ZMYND8: variants seen among roughly 807,000 people sequenced by gnomAD.
The protein encoded by ZMYND8 is zinc finger MYND-type containing 8.
Under a neutral mutation model 140.8 loss-of-function variants are expected in ZMYND8, and 37 were observed. That is an observed-to-expected ratio of 0.26 (90% CI 0.20 to 0.35). The LOEUF (loss-of-function observed/expected upper bound fraction) is 0.35, where lower values mean the gene tolerates loss of function less well. ZMYND8 is among the 10% of genes least tolerant of loss of function. The pLI is 1.00. For missense variants in ZMYND8, 1,068 were observed against 1,570.0 expected, an observed-to-expected ratio of 0.68 and a Z score of 5.40; for synonymous variants, 592 against 597.1, an observed-to-expected ratio of 0.99 and a Z score of 0.12.
intron 3 of ZMYND8, among the ~76,000 whole-genome samples, chr20:47,304,931 A>G (rs1293030295): frequency 1.3e-5 from 2 of 152,148 alleles, no homozygotes; most frequent in Admixed American, 1.3e-4. Flanking sequence ...CTGTTAATAC[A>G]CTGTCTCAGC....
intron 2 of ZMYND8, among the ~76,000 whole-genome samples, chr20:47,335,265 A>G (rs145494988): frequency 3.5e-4 from 54 of 152,178 alleles, no homozygotes; most frequent in African/African-American, 1.2e-3. Context: ...AACAAAAAAA[A>G]AGGAGAATTG....
intron 2 of ZMYND8, among the ~76,000 whole-genome samples, chr20:47,337,959 T>A (rs1468330504): frequency 1.3e-5 from 2 of 151,958 alleles, no homozygotes; most frequent in Admixed American, 6.6e-5. Context: ...AAAGGTCACA[T>A]GGACTAGATG....
At chr20:47,262,569 G>C in intron 11 of ZMYND8, 141 bp from the exon 12 acceptor site, 1 of 1,186,434 alleles carries the variant, frequency 8.4e-7, no homozygotes, top group South Asian at 1.5e-5. Context: ...GAATGGGGTG[G>C]GGTGGAGCAT....
At chr20:47,299,645 C>G (rs1336593279) in intron 3 of ZMYND8, among the ~76,000 whole-genome samples, 3 of 151,988 alleles carry the variant, frequency 2.0e-5, no homozygotes, top group African/African-American at 7.3e-5. Flanking sequence ...TGCAGTGGCA[C>G]AATCTTGGCT....
rs553430443 is a variant in ZMYND8, at chr20:47,289,631, C to CA, written c.748+555dup. On this transcript the variant is annotated intron_variant, in intron 7 of 22. Transcript: ENST00000471951. Reference sequence around the variant, plus strand: ...TCGAATGAAAAAAAAAAATCAGCAACAAAAAAAAAGGAACCACTAATAACA... The same window carrying CA: ...TCGAATGAAAAAAAAAAATCAGCAACAAAAAAAAAAGGAACCACTAATAACA... 6.4e-3 allele frequency among the ~76,000 whole-genome samples: 952 copies of CA among 147,880 alleles called. 16 individuals carry two copies. The highest frequency in any genetic ancestry group is 0.022 in the African/African-American group (902 of 40,138).
At chr20:47,240,092 A>T (rs1437386314) in intron 14 of ZMYND8, among the ~76,000 whole-genome samples, 1 of 151,654 alleles carries the variant, frequency 6.6e-6, no homozygotes, top group Non-Finnish European at 1.5e-5. Context: ...CAAAAAAATT[A>T]GCCAGACGTG....
At chr20:47,264,013 G>A (rs991187718) in intron 11 of ZMYND8, among the ~76,000 whole-genome samples, 2 of 152,118 alleles carry the variant, frequency 1.3e-5, no homozygotes, top group African/African-American at 4.8e-5. Context: ...GGTTGCTACT[G>A]GCATCTAGGA....
intron 20 of ZMYND8, among the ~76,000 whole-genome samples, 160 bp from the exon 21 acceptor site, chr20:47,220,484 C>T (rs752563430): frequency 7.2e-5 from 11 of 152,326 alleles, no homozygotes; most frequent in Non-Finnish European, 1.5e-4. Flanking sequence ...CACAGGGCGG[C>T]CAGGTGGCCA....
At chr20:47,274,851 C>T (rs775310329) in intron 11 of ZMYND8, among the ~76,000 whole-genome samples, 16 of 152,148 alleles carry the variant, frequency 1.1e-4, no homozygotes, top group Admixed American at 7.2e-4. Context: ...AAAAAATTTC[C>T]CAAGAAACAA....
chr20:47,279,150 G>A (rs543657543), intron 10 of ZMYND8, among the ~76,000 whole-genome samples: 53 of 152,134 alleles, frequency 3.5e-4, no homozygotes, highest in African/African-American at 1.2e-3. Flanking sequence ...TGCTTGGCAG[G>A]GAAGGAAAAG....
chr20:47,215,023 C>T (rs1310907326), intron 21 of ZMYND8, among the ~76,000 whole-genome samples: 2 of 152,096 alleles, frequency 1.3e-5, no homozygotes, highest in African/African-American at 2.4e-5. Flanking sequence ...AAGTTCAAGG[C>T]CAGCCTCGGC....
At chr20:47,248,733 G>A (rs1334300532) in intron 13 of ZMYND8, among the ~76,000 whole-genome samples, 1 of 152,140 alleles carries the variant, frequency 6.6e-6, no homozygotes, top group Non-Finnish European at 1.5e-5. Flanking sequence ...AAGGAGGAGG[G>A]CAGATGGGGA....
chr20:47,255,714 GTA>G (rs1472702070), intron 12 of ZMYND8, among the ~76,000 whole-genome samples: 53 of 62,966 alleles, frequency 8.4e-4, no homozygotes, highest in African/African-American at 3.7e-3. Flanking sequence ...TATATACCGT[GTA>G]TGTGTGTATA....
chr20:47,233,154 G>A (rs985795380), intron 16 of ZMYND8, among the ~76,000 whole-genome samples: 3 of 149,312 alleles, frequency 2.0e-5, no homozygotes, highest in South Asian at 4.2e-4. Context: ...CAATCCACCC[G>A]CCTGGGCCTC....
Position 47,238,507 on chromosome 20 carries a change from C to T in ZMYND8, c.2665+251G>A, listed in dbSNP as rs756943362. On this transcript the variant is annotated intron_variant, in intron 15 of 22. Coordinates refer to ENST00000471951, the MANE Select transcript of ZMYND8 (RefSeq NM_001281775.3). ...CAGACTTTTATGTAAAACTTTCTGC[C>T]CCCTTTTTAAGGAGAATATATGCAT... 3 of 609,062 alleles carry T rather than the reference C, an allele frequency of 4.9e-6. No homozygotes were observed. The South Asian group carries it at 6.0e-5, about 12-fold the overall frequency. The allele number at this position is 609,062 out of a possible 1,614,324, so 37.7% of individuals were successfully genotyped here.
chr20:47,284,591 C>T (rs1249018055), intron 8 of ZMYND8, among the ~76,000 whole-genome samples: 1 of 152,134 alleles, frequency 6.6e-6, no homozygotes, highest in East Asian at 1.9e-4. Flanking sequence ...AGCAGTTCCG[C>T]TCCCCAACCC....
At chr20:47,349,756 C>T (rs1429655057) in intron 1 of ZMYND8, 2 of 1,448,484 alleles carry the variant, frequency 1.4e-6, no homozygotes, top group African/African-American at 1.4e-5. Context: ...TTCTTGAAAC[C>T]GATCCCATAT....
At chr20:47,303,930 ACAG>A (rs2078278173) in intron 3 of ZMYND8, among the ~76,000 whole-genome samples, 1 of 152,170 alleles carries the variant, frequency 6.6e-6, no homozygotes, top group East Asian at 1.9e-4. Flanking sequence ...CTTTCCTGAA[ACAG>A]CAGCAGTTGC....
intron 19 of ZMYND8, 34 bp from the exon 20 acceptor site, chr20:47,221,508 T>C (rs181060977): frequency 1.1e-5 from 17 of 1,605,592 alleles, no homozygotes; most frequent in Admixed American, 1.7e-5. Flanking sequence ...ACGCCACATA[T>C]ACACAGAGTA....
Sources: allele counts gnomAD v4.1 joint callset (sites outside exome capture counted in the v4.1 genomes callset), GRCh38; gene constraint gnomAD v4.1.1; transcripts MANE v1.5; gene names NCBI Gene and HGNC (gene_info 2026-07-23, HGNC 2026-07-21).